UVSSA: variants seen among roughly 807,000 people sequenced by gnomAD.
UVSSA encodes UV stimulated scaffold protein A.
UVSSA carries 72 observed loss-of-function variants against 73.9 expected under a neutral mutation model. That is an observed-to-expected ratio of 0.97 (90% CI 0.81 to 1.19). UVSSA has a LOEUF of 1.19. Ranked by LOEUF, UVSSA falls within the 50% of genes most tolerant of loss-of-function variation. The pLI is 0.00. For synonymous variants in UVSSA, 454 were observed against 391.3 expected (o/e 1.16, Z -1.89); for missense variants, 1,150 against 965.0 (o/e 1.19, Z -2.54).
intron 13 of UVSSA, 136 bp from the exon 14 acceptor site, chr4:1,385,732 A>G: frequency 1.2e-6 from 1 of 849,440 alleles, no homozygotes; most frequent in Non-Finnish European, 1.9e-6. Context: ...TGAAGGTGGC[A>G]CCCACAGGCA....
rs905051275 is a variant in UVSSA, at chr4:1,366,172, A to G, written c.1177-148A>G. 3.5e-4 allele frequency: 232 copies of G among 659,496 alleles called. 1 individual carries two copies. Among genetic ancestry groups the G allele is most frequent in the Non-Finnish European group, 6.2e-5 (23 of 369,150 alleles). 40.9% of individuals were successfully genotyped at this position (659,496 alleles called of 1,614,324 possible). ...CAAGAACAGCCTTGGAGACGATCTT[A>G]AATGCAGTCCAACCGTGGCTGATGT... On this transcript the variant is annotated intron_variant, in intron 7 of 13. Transcript: ENST00000389851.
At chr4:1,350,713 T>C (rs1200335931) in intron 3 of UVSSA, among the ~76,000 whole-genome samples, 1 of 150,062 alleles carries the variant, frequency 6.7e-6, no homozygotes, top group Non-Finnish European at 1.5e-5. Flanking sequence ...GTGGATCACC[T>C]GGTCCTGGGA....
At chr4:1,364,361 C>T (rs1045603262) in intron 7 of UVSSA, among the ~76,000 whole-genome samples, 34 of 152,098 alleles carry the variant, frequency 2.2e-4, no homozygotes, top group Admixed American at 1.2e-3. Context: ...GCGCGGGCCC[C>T]GTGGCCTTGT....
chr4:1,345,805 T>C (rs796529055), upstream of UVSSA, among the ~76,000 whole-genome samples: 45 of 151,958 alleles, frequency 3.0e-4, no homozygotes, highest in African/African-American at 1.1e-3. Context: ...TAAGAAAAGT[T>C]GGATAAAGAG....
chr4:1,347,912 C>G, intron 1 of UVSSA, 152 bp downstream of exon 1: 1 of 607,806 alleles, frequency 1.6e-6, no homozygotes. Flanking sequence ...CTGCAATCAC[C>G]GCCGTAAAGG....
rs1464512133 is a variant in UVSSA, at chr4:1,385,496, G to A, written c.2037-372G>A. The A allele has an allele frequency of 5.4e-5, 16 of 298,670 alleles. No individual in the cohort carries two copies. In the East Asian group the frequency reaches 6.5e-4, roughly 12 times the overall value. The allele number at this position is 298,670 out of a possible 1,614,324, so 18.5% of individuals were successfully genotyped here. ...CAGCAGCGGGCAGGGCTGTCCTGAC[G>A]CCTCCTGGCTGCATCTCCTGCGAGG... On this transcript the variant is annotated intron_variant, in intron 13 of 13. Coordinates refer to ENST00000389851, the MANE Select transcript of UVSSA (RefSeq NM_020894.4).
At chr4:1,394,243 G>A (rs1720469074) in exon 14 of UVSSA, 2 of 658,322 alleles carry the variant, frequency 3.0e-6, no homozygotes, top group Non-Finnish European at 5.0e-6. Context: ...CGGCCACTGT[G>A]GGCATCTCGT....
chr4:1,379,543 C>G, intron 10 of UVSSA, among the ~76,000 whole-genome samples: 1 of 152,236 alleles, frequency 6.6e-6, no homozygotes. Context: ...CACCCGGCCC[C>G]TCTGTGCTGC....
intron 13 of UVSSA, chr4:1,385,231 G>T (rs528469988): frequency 6.5e-6 from 1 of 153,832 alleles, no homozygotes; most frequent in African/African-American, 2.4e-5. Context: ...GCAAAACCCT[G>T]CCTCGAGGGG....
At chr4:1,375,837 C>T (rs904645745) in intron 9 of UVSSA, among the ~76,000 whole-genome samples, 197 bp from the exon 10 acceptor site, 2 of 152,258 alleles carry the variant, frequency 1.3e-5, no homozygotes, top group Non-Finnish European at 2.9e-5. Context: ...AGACCAGAGG[C>T]CAGCTGTTGG....
chr4:1,395,684 T>G, exon 14 of UVSSA: 2 of 1,612,872 alleles, frequency 1.2e-6, no homozygotes, highest in Non-Finnish European at 1.7e-6. Flanking sequence ...CGTGCCCATG[T>G]GGAGTGCCCG....
rs149796000 is a variant in UVSSA at position 1,349,740 on chromosome 4, G to C, written c.315G>C (p.Ala105=). 1 of 1,612,876 alleles carries C rather than the reference G, an allele frequency of 6.2e-7. No homozygotes were observed. Among genetic ancestry groups the C allele is most frequent in the Non-Finnish European group, 8.5e-7 (1 of 1,179,448 alleles). The change falls in exon 3 of 14, where the codon GCG becomes GCC. Residue 105 remains alanine (A), a synonymous_variant. Coordinates refer to ENST00000389851, the MANE Select transcript of UVSSA (RefSeq NM_020894.4). ...AGCCTCTGCCGCCCCCCAGGGAGGC[G>C]GCACAGAGGCTGAGGCAGGCGACCA... ...PAQPLPPPRE[A]AQRLRQATTR...
chr4:1,380,757 A>C, intron 11 of UVSSA, 123 bp from the exon 12 acceptor site: 3 of 1,569,198 alleles, frequency 1.9e-6, no homozygotes, highest in Non-Finnish European at 2.6e-6. Flanking sequence ...GGTTGTGTAC[A>C]CTTTGGCTCT....
chr4:1,383,895 A>T lies in UVSSA; in HGVS notation c.1991A>T (p.Gln664Leu), dbSNP rs765971686. 7 of 1,613,208 alleles carry T rather than the reference A, an allele frequency of 4.3e-6. No homozygotes were observed. In the East Asian group the frequency reaches 1.6e-4, roughly 36 times the overall value. Reference sequence around the variant, plus strand: ...CCCAGCCTCACCAACCTGAAGGCTCAGGCTGATACCGCCCGCGCTCGCATT... The same window carrying T: ...CCCAGCCTCACCAACCTGAAGGCTCTGGCTGATACCGCCCGCGCTCGCATT... ...RYPSLTNLKA[Q>L]ADTARARIGR... is the part of the protein sequence containing the mutation. The change falls in exon 13 of 14, where the codon CAG (glutamine) becomes CTG (leucine). Residue 664 changes from glutamine (Q) to leucine (L), a missense_variant. By Grantham distance (113) the Gln-to-Leu change is moderately radical. Transcript: ENST00000389851.
upstream of UVSSA, among the ~76,000 whole-genome samples, chr4:1,344,677 A>G (rs1323802407): frequency 6.6e-6 from 1 of 152,150 alleles, no homozygotes; most frequent in African/African-American, 2.4e-5. Flanking sequence ...AAAGATCCCT[A>G]TTTTCAGGGA....
At chr4:1,381,111 A>C in intron 12 of UVSSA, 123 bp downstream of exon 12, 2 of 915,858 alleles carry the variant, frequency 2.2e-6, no homozygotes, top group Non-Finnish European at 3.3e-6. Context: ...ATGGAGCTAC[A>C]AGCCTCTCGG....
chr4:1,342,270 T>C (rs982317821), upstream of UVSSA, among the ~76,000 whole-genome samples: 1 of 152,220 alleles, frequency 6.6e-6, no homozygotes, highest in Non-Finnish European at 1.5e-5. Context: ...CACTTGGTAG[T>C]GTCAGGTTAG....
intron 8 of UVSSA, among the ~76,000 whole-genome samples, chr4:1,368,340 CTT>C (rs2109215478): frequency 6.6e-6 from 1 of 152,372 alleles, no homozygotes; most frequent in Admixed American, 6.5e-5. Flanking sequence ...GAAATCCACA[CTT>C]TCCCTAAAAC....
At chr4:1,383,406 G>A (rs373533429) in intron 12 of UVSSA, among the ~76,000 whole-genome samples, 6 of 152,200 alleles carry the variant, frequency 3.9e-5, no homozygotes, top group Non-Finnish European at 5.9e-5. Flanking sequence ...CCCCCCAACC[G>A]CTGGCCTTAG....
Sources: gnomAD v4.1 joint callset for allele counts (sites outside exome capture counted in the v4.1 genomes callset) on GRCh38, gnomAD v4.1.1 for gene constraint, MANE v1.5 for transcripts, NCBI Gene and HGNC (gene_info 2026-07-23, HGNC 2026-07-21) for gene names.